ABL1: variants seen among roughly 807,000 people sequenced by gnomAD.
ABL1 encodes tyrosine-protein kinase ABL1.
Under a neutral mutation model 94.7 loss-of-function variants are expected in ABL1, and 11 were observed. The observed-to-expected ratio is 0.12, with a 90% CI of 0.07 to 0.19. The LOEUF is 0.19. ABL1 is among the 10% of genes least tolerant of loss of function. The pLI, the probability that ABL1 is intolerant of heterozygous loss-of-function variation, is 1.00. For synonymous variants in ABL1, 656 were observed against 622.4 expected (o/e 1.05, Z -0.80); for missense variants, 1,082 against 1,489.4 (o/e 0.73, Z 4.50).
chr9:130,714,469 A>G lies in ABL1; in HGVS notation c.136+14A>G, dbSNP rs1158554807. 7.4e-6 allele frequency: 12 copies of G among 1,614,092 alleles called. No individual in the cohort carries two copies. The highest frequency in any genetic ancestry group is 1.6e-4 in the Middle Eastern group (1 of 6,084). On this transcript the variant is annotated intron_variant, in intron 1 of 10. Coordinates refer to the ABL1 transcript ENST00000372348. Reference sequence around the variant, plus strand: ...TTGTGGAACATGGTGAGTGCTTTTCAAAATTTCTGCTCATGGTTTTCCTCA... The same window carrying G: ...TTGTGGAACATGGTGAGTGCTTTTCGAAATTTCTGCTCATGGTTTTCCTCA...
chr9:130,841,540 G>A (rs1272585351), intron 1 of ABL1, among the ~76,000 whole-genome samples: 1 of 152,042 alleles, frequency 6.6e-6, no homozygotes, highest in Non-Finnish European at 1.5e-5. Flanking sequence ...GGCCGGGCGC[G>A]GTGGCTGACG....
intron 3 of ABL1, among the ~76,000 whole-genome samples, chr9:130,855,664 C>G (rs902794512): frequency 2.0e-5 from 3 of 152,114 alleles, no homozygotes; most frequent in African/African-American, 7.2e-5. Context: ...GGGAGGTGGC[C>G]TATATGATTT....
chr9:130,719,532 A>AAAAT (rs901536391), intron 1 of ABL1, among the ~76,000 whole-genome samples: 9 of 152,188 alleles, frequency 5.9e-5, no homozygotes, highest in Admixed American at 2.0e-4. Context: ...ACTCCATCTC[A>AAAAT]AAATAAATAA....
chr9:130,785,649 G>A (rs975916920), intron 1 of ABL1, among the ~76,000 whole-genome samples: 19 of 152,082 alleles, frequency 1.2e-4, no homozygotes, highest in African/African-American at 3.6e-4. Flanking sequence ...TCGGCCGGGC[G>A]TGGTGGCTCA....
intron 1 of ABL1, among the ~76,000 whole-genome samples, chr9:130,826,057 T>C (rs1281501111): frequency 1.3e-5 from 2 of 152,200 alleles, no homozygotes; most frequent in Non-Finnish European, 2.9e-5. Flanking sequence ...ACTAACTTGC[T>C]ATGTGACCTA....
intron 1 of ABL1, among the ~76,000 whole-genome samples, chr9:130,818,048 G>A (rs1160922793): frequency 6.6e-6 from 1 of 152,182 alleles, no homozygotes; most frequent in Non-Finnish European, 1.5e-5. Context: ...GTGCTATTTT[G>A]CATTACTACC....
At chr9:130,809,651 C>G (rs369949689) in intron 1 of ABL1, among the ~76,000 whole-genome samples, 1 of 152,102 alleles carries the variant, frequency 6.6e-6, no homozygotes, top group African/African-American at 2.4e-5. Flanking sequence ...TGTCCCAGTT[C>G]GAAGGCAGTT....
At chr9:130,813,358 A>C (rs1019789361) in intron 1 of ABL1, among the ~76,000 whole-genome samples, 81 of 151,702 alleles carry the variant, frequency 5.3e-4, no homozygotes, top group African/African-American at 1.8e-3. Context: ...TCAGGAGATC[A>C]AGACCATCCT....
At chr9:130,725,842 T>TG (rs35744392) in intron 1 of ABL1, among the ~76,000 whole-genome samples, 26,731 of 127,862 alleles carry the variant, frequency 0.21, 4,216 homozygotes, top group East Asian at 0.52. Context: ...TTTTTTTTTT[T>TG]TTTTTTTTTG....
At chr9:130,879,515 C>A (rs1831416319) in intron 8 of ABL1, among the ~76,000 whole-genome samples, 1 of 152,208 alleles carries the variant, frequency 6.6e-6, no homozygotes, top group Non-Finnish European at 1.5e-5. Context: ...GCTGGTATTT[C>A]TAAAAGTTGA....
intron 1 of ABL1, among the ~76,000 whole-genome samples, chr9:130,770,656 C>G (rs752855949): frequency 2.0e-5 from 3 of 152,178 alleles, no homozygotes; most frequent in Non-Finnish European, 2.9e-5. Flanking sequence ...AGGCACTGTT[C>G]TAAATATTGC....
chr9:130,851,876 C>T (rs186927760), intron 1 of ABL1, among the ~76,000 whole-genome samples: 308 of 150,848 alleles, frequency 2.0e-3, no homozygotes, highest in Non-Finnish European at 2.8e-3. Context: ...GGCAATTCTC[C>T]GGCCTCAGTC....
intron 1 of ABL1, among the ~76,000 whole-genome samples, chr9:130,741,776 A>T (rs1254524489): frequency 9.2e-5 from 14 of 152,242 alleles, no homozygotes; most frequent in Admixed American, 5.9e-4. Flanking sequence ...TTTGGGTTGT[A>T]CAGAAGGGGT....
chr9:130,739,901 A>G (rs1404542408), intron 1 of ABL1, among the ~76,000 whole-genome samples: 1 of 152,198 alleles, frequency 6.6e-6, no homozygotes, highest in African/African-American at 2.4e-5. Flanking sequence ...ATCTCTACAG[A>G]AAATAAAAAA....
chr9:130,728,934 T>C (rs931349917), intron 1 of ABL1, among the ~76,000 whole-genome samples: 1 of 152,214 alleles, frequency 6.6e-6, no homozygotes, highest in African/African-American at 2.4e-5. Flanking sequence ...GTGGGTGTTA[T>C]ATTGTAGGGA....
At chr9:130,820,198 AT>A (rs1282161468) in intron 1 of ABL1, among the ~76,000 whole-genome samples, 2 of 152,096 alleles carry the variant, frequency 1.3e-5, no homozygotes, top group Non-Finnish European at 2.9e-5. Context: ...ATCTTAAGCA[AT>A]TTACCATGAT....
chr9:130,827,349 A>G (rs1307913256), intron 1 of ABL1, among the ~76,000 whole-genome samples: 3 of 152,194 alleles, frequency 2.0e-5, no homozygotes, highest in African/African-American at 7.2e-5. Context: ...ACATTTAGGG[A>G]TTCTCTTGAA....
Position 130,790,347 on chromosome 9 carries a change from G to A in ABL1, c.137-63717G>A, listed in dbSNP as rs570411512. Among the ~76,000 whole-genome samples, 4 of 152,314 alleles carry A rather than the reference G, an allele frequency of 2.6e-5. No homozygotes were observed. The South Asian group carries it at 6.2e-4, about 24-fold the overall frequency. ...GCTGTGAGGGGCCTCATGCACACAT[G>A]TGTACATACTTCAGCCTGCATATCT... On this transcript the variant is annotated intron_variant, in intron 1 of 10. Coordinates refer to the ABL1 transcript ENST00000372348.
chr9:130,798,569 A>G (rs1257723599), intron 1 of ABL1, among the ~76,000 whole-genome samples: 1 of 152,118 alleles, frequency 6.6e-6, no homozygotes, highest in Non-Finnish European at 1.5e-5. Context: ...TCTCATCTGG[A>G]TGAAATAAAG....
Sources: allele counts gnomAD v4.1 joint callset (sites outside exome capture counted in the v4.1 genomes callset), GRCh38; gene constraint gnomAD v4.1.1; transcripts MANE v1.5; gene names NCBI Gene and HGNC (gene_info 2026-07-23, HGNC 2026-07-21).